Variants in EIF5B observed in about 807,000 individuals in gnomAD.
EIF5B encodes the protein eIF-5B.
Under a neutral mutation model 147.5 loss-of-function variants are expected in EIF5B, and 47 were observed. That is an observed-to-expected ratio of 0.32 (90% confidence interval 0.25 to 0.41). The LOEUF is 0.41. Among genes scored for constraint, EIF5B ranks in the 10% least tolerant of loss-of-function variants. The pLI, the probability that EIF5B is intolerant of heterozygous loss-of-function variation, is 1.00. For missense variants in EIF5B, 1,064 were observed against 1,413.2 expected (o/e 0.75, Z 3.96); for synonymous variants, 455 against 456.2 (o/e 1.00, Z 0.03).
rs367754702 is a variant in EIF5B at position 99,394,681 on chromosome 2, T to C, written c.3090-38T>C. ...ACTGTCCTCTGTGACATACTCTGTT[T>C]TTCACTGAATGGTCTTTGATGTGTT... On this transcript the variant is annotated intron_variant, in intron 20 of 23. Coordinates refer to ENST00000289371, the MANE Select transcript of EIF5B (RefSeq NM_015904.4). 106 of 1,609,504 alleles carry C rather than the reference T, an allele frequency of 6.6e-5. No homozygotes were observed. In the African/African-American group the frequency reaches 1.3e-3, roughly 20 times the overall value.
chr2:99,400,005 G>T lies in EIF5B; in HGVS notation c.*591G>T, dbSNP rs1016194928. The stretch of plus-strand genomic sequence containing the variant: ...CTTTTTACTGCTTGTGTAGTCACGA[G>T]TCCATTGTAATCATCACAATTCTAA... On this transcript the variant is annotated 3_prime_UTR_variant, in exon 24 of 24. Coordinates refer to ENST00000289371, the MANE Select transcript of EIF5B (RefSeq NM_015904.4). 1.3e-5 allele frequency: 2 copies of T among 152,606 alleles called. No individual in the cohort carries two copies. Among genetic ancestry groups the T allele is most frequent in the African/African-American group, 4.8e-5 (2 of 41,438 alleles). The allele number at this position is 152,606 out of a possible 1,614,324, so 9.5% of individuals were successfully genotyped here.
rs189116919 is a variant in EIF5B at position 99,355,883 on chromosome 2, G to A, written c.36-4353G>A. On this transcript the variant is annotated intron_variant, in intron 1 of 23. Coordinates refer to ENST00000289371, the MANE Select transcript of EIF5B (RefSeq NM_015904.4). ...TTGCCTGGGCGTTCCAAAGTGCTGGGATTACAGGCGTGAGGCACTGCACCC... is the reference window on the plus strand; with the variant it reads ...TTGCCTGGGCGTTCCAAAGTGCTGGAATTACAGGCGTGAGGCACTGCACCC... Among the ~76,000 whole-genome samples, 4 of 152,204 alleles carry A rather than the reference G, an allele frequency of 2.6e-5. No homozygotes were observed. In the East Asian group the frequency reaches 7.7e-4, roughly 29 times the overall value.
chr2:99,380,238 G>A (rs1674660393), intron 12 of EIF5B, among the ~76,000 whole-genome samples: 1 of 151,802 alleles, frequency 6.6e-6, no homozygotes, highest in African/African-American at 2.4e-5. Context: ...CCTTCATAGA[G>A]ACAGGGTCTC....
At chr2:99,371,767 G>C (rs911070915) in intron 9 of EIF5B, 37 bp downstream of exon 9, 4 of 1,544,866 alleles carry the variant, frequency 2.6e-6, no homozygotes, top group African/African-American at 1.4e-5. Context: ...TACATCCAGT[G>C]GTTATTAGAA....
intron 18 of EIF5B, among the ~76,000 whole-genome samples, chr2:99,393,975 T>G (rs1674990899): frequency 6.6e-6 from 1 of 152,170 alleles, no homozygotes; most frequent in Admixed American, 6.5e-5. Flanking sequence ...ATTTTTCTTC[T>G]CTACTGTTTA....
intron 10 of EIF5B, among the ~76,000 whole-genome samples, chr2:99,377,923 C>G (rs1674597356): frequency 6.6e-6 from 1 of 152,102 alleles, no homozygotes; most frequent in African/African-American, 2.4e-5. Context: ...CTTCAGTATA[C>G]TTAGAATTTC....
At chr2:99,377,545 AC>A (rs984361485) in intron 10 of EIF5B, among the ~76,000 whole-genome samples, 2 of 151,248 alleles carry the variant, frequency 1.3e-5, no homozygotes, top group African/African-American at 4.9e-5. Context: ...TTCCCGTAGC[AC>A]CTACTCCCAC....
rs761065266 is a variant in EIF5B at position 99,361,362 on chromosome 2, C to G, written c.461C>G (p.Ala154Gly). The G allele has an allele frequency of 1.2e-5, 19 of 1,611,044 alleles. No individual in the cohort carries two copies. In the South Asian group the frequency reaches 2.1e-4, roughly 18 times the overall value. ...CTTCCTAAAAAAGCTAAAGGGAAAG[C>G]TCAAAAATCAAATAAGAAGTGGGAT... The part of the protein sequence containing the change: ...NKLPKKAKGK[A>G]QKSNKKWDGS... Residue 154 changes from alanine to glycine, a missense_variant, in exon 4 of 24, where the codon GCT becomes GGT. Ala to Gly is a moderately conservative substitution (Grantham distance 60). Coordinates refer to ENST00000289371, the MANE Select transcript of EIF5B (RefSeq NM_015904.4).
At chr2:99,386,765 C>T (rs956333136) in intron 14 of EIF5B, among the ~76,000 whole-genome samples, 2 of 151,950 alleles carry the variant, frequency 1.3e-5, no homozygotes, top group Non-Finnish European at 2.9e-5. Flanking sequence ...AGGCTGGTCT[C>T]AAACTCCTGG....
intron 9 of EIF5B, among the ~76,000 whole-genome samples, chr2:99,372,075 G>C (rs1342882580): frequency 6.6e-6 from 1 of 152,142 alleles, no homozygotes; most frequent in Non-Finnish European, 1.5e-5. Flanking sequence ...TTCCTGATAA[G>C]TATGAATAGA....
At chr2:99,356,057 ATAT>A (rs1674091373) in intron 1 of EIF5B, among the ~76,000 whole-genome samples, 1 of 152,242 alleles carries the variant, frequency 6.6e-6, no homozygotes, top group Admixed American at 6.5e-5. Flanking sequence ...CAACGAATCA[ATAT>A]TATTAAGCGA....
At position 99,382,785 on chromosome 2, in the gene EIF5B, T is replaced by G; in HGVS notation, c.2135T>G (p.Leu712Arg). Residue 712 changes from leucine to arginine, a missense_variant, in exon 14 of 24, where the codon CTG becomes CGG. Coordinates refer to ENST00000289371, the MANE Select transcript of EIF5B (RefSeq NM_015904.4). Reference sequence around the variant, plus strand: ...CTTTTCCTTCTTTTCAACAGTAATCTGAGAAATAGAGGAAGCTCTCTTTGT... The same window carrying G: ...CTTTTCCTTCTTTTCAACAGTAATCGGAGAAATAGAGGAAGCTCTCTTTGT... ...DTPGHESFSNLRNRGSSLCDI... is the reference protein window; with the variant it reads ...DTPGHESFSNRRNRGSSLCDI... 1 of 1,598,306 alleles carries G rather than the reference T, an allele frequency of 6.3e-7. No homozygotes were observed. Among genetic ancestry groups the G allele is most frequent in the Non-Finnish European group, 8.5e-7 (1 of 1,176,048 alleles).
At position 99,339,320 on chromosome 2, in the gene EIF5B, AC is replaced by A. The variant is rs553275662; in HGVS notation, c.35+1732del. ...GATCCATCGCCCCTGGCCCCCACCT[AC>A]TAGATATTTTAAAGCAAATCTCATT... On this transcript the variant is annotated intron_variant, in intron 1 of 23. Transcript: ENST00000289371. 3.6e-3 allele frequency among the ~76,000 whole-genome samples: 550 copies of A among 152,072 alleles called. 5 individuals carry two copies. The highest frequency in any genetic ancestry group is 0.013 in the African/African-American group (532 of 41,496).
rs775974196 is a variant in EIF5B at position 99,392,957 on chromosome 2, A to C, written c.2749-10A>C. ...AGTACATTTGGTAACAAATGTTTTT[A>C]TCTCTGTAGAACCAGTATGAAAAGC... On this transcript the variant is annotated splice_polypyrimidine_tract_variant and intron_variant, in intron 17 of 23. Transcript: ENST00000289371. The C allele has an allele frequency of 4.1e-6, 6 of 1,448,176 alleles. No individual in the cohort carries two copies. Among genetic ancestry groups the C allele is most frequent in the Non-Finnish European group, 5.5e-6 (6 of 1,093,774 alleles). The allele number at this position is 1,448,176 out of a possible 1,614,324, so 89.7% of individuals were successfully genotyped here. A position where few individuals can be genotyped will look rare whatever the true frequency, so the allele number is the denominator to read the frequency against.
chr2:99,352,473 G>A (rs941976404), intron 1 of EIF5B, among the ~76,000 whole-genome samples: 10 of 151,564 alleles, frequency 6.6e-5, no homozygotes, highest in African/African-American at 1.9e-4. Context: ...GGGATTACAG[G>A]TGTGAGCCAC....
chr2:99,381,518 G>GGGGTGT (rs1553536176), intron 12 of EIF5B, among the ~76,000 whole-genome samples: 18 of 142,988 alleles, frequency 1.3e-4, no homozygotes, highest in Non-Finnish European at 2.0e-4. Flanking sequence ...ACAAAAAGGG[G>GGGGTGT]GTGTGTGTGT....
intron 4 of EIF5B, among the ~76,000 whole-genome samples, chr2:99,363,332 C>T (rs1353344630): frequency 6.6e-6 from 1 of 152,106 alleles, no homozygotes. Context: ...ACTCAGGTAC[C>T]ATGGATTTAG....
intron 22 of EIF5B, chr2:99,397,635 GCCTGT>G (rs1675082256): frequency 2.0e-5 from 3 of 152,272 alleles, no homozygotes; most frequent in African/African-American, 7.2e-5. Flanking sequence ...GCATGACCCA[GCCTGT>G]CTGACTGCTG....
intron 1 of EIF5B, among the ~76,000 whole-genome samples, chr2:99,337,922 C>T (rs1055051059): frequency 6.6e-5 from 10 of 152,240 alleles, no homozygotes; most frequent in Non-Finnish European, 1.2e-4. Flanking sequence ...AGTTTTTTTC[C>T]GCGCTACTCT....
Sources: allele counts gnomAD v4.1 joint callset (sites outside exome capture counted in the v4.1 genomes callset), GRCh38; gene constraint gnomAD v4.1.1; transcripts MANE v1.5; gene names NCBI Gene and HGNC (gene_info 2026-07-23, HGNC 2026-07-21).